PLBD1: variants seen among roughly 807,000 people sequenced by gnomAD.
PLBD1 encodes the protein lysosomal leucine aminopeptidase.
A neutral mutation model predicts 63.0 loss-of-function variants in PLBD1; 60 were observed. The observed-to-expected ratio is 0.95, with a 90% CI of 0.77 to 1.18. The LOEUF (loss-of-function observed/expected upper bound fraction) is 1.18. Ranked by LOEUF, PLBD1 falls within the 50% of genes most tolerant of loss-of-function variation. The pLI is 0.00. For missense variants in PLBD1, 598 were observed against 677.9 expected (o/e 0.88, Z 1.31); for synonymous variants, 262 against 248.0 (o/e 1.06, Z -0.53).
At chr12:14,556,951 C>G (rs1045205901) in intron 1 of PLBD1, among the ~76,000 whole-genome samples, 2 of 130,658 alleles carry the variant, frequency 1.5e-5, no homozygotes, top group African/African-American at 5.8e-5. Context: ...GCTATTTGCA[C>G]TTCAGCCTGG....
At chr12:14,507,182 G>A (rs931929052) in intron 8 of PLBD1, 64 bp from the exon 9 acceptor site, 1 of 1,239,306 alleles carries the variant, frequency 8.1e-7, no homozygotes, top group Non-Finnish European at 1.1e-6. Context: ...AAAGGAGAGA[G>A]AGCAAAAGAA....
At chr12:14,547,901 T>C (rs1158107377) in intron 2 of PLBD1, among the ~76,000 whole-genome samples, 10 of 152,140 alleles carry the variant, frequency 6.6e-5, no homozygotes. Context: ...CTAGATAGCC[T>C]CCTTTCCAAT....
chr12:14,554,988 G>A (rs962776291), intron 1 of PLBD1, among the ~76,000 whole-genome samples: 9 of 151,912 alleles, frequency 5.9e-5, no homozygotes, highest in Non-Finnish European at 1.3e-4. Context: ...ATCCATCCTG[G>A]CTTCCTTTCT....
chr12:14,525,374 T>C (rs1406554600), intron 6 of PLBD1, among the ~76,000 whole-genome samples: 3 of 151,908 alleles, frequency 2.0e-5, no homozygotes, highest in Non-Finnish European at 4.4e-5. Context: ...AAAAGAAAAC[T>C]AAATAAAATT....
At chr12:14,506,104 C>T (rs549488937) in intron 10 of PLBD1, 58 bp downstream of exon 10, 1 of 1,226,492 alleles carries the variant, frequency 8.2e-7, no homozygotes, top group Non-Finnish European at 1.2e-6. Flanking sequence ...TGCAACTTTG[C>T]CTTTGGAGAG....
At chr12:14,551,141 G>A (rs1945655974) in intron 2 of PLBD1, among the ~76,000 whole-genome samples, 1 of 151,956 alleles carries the variant, frequency 6.6e-6, no homozygotes, top group Non-Finnish European at 1.5e-5. Flanking sequence ...AAGGTGGGAG[G>A]ATCACGAGGT....
intron 2 of PLBD1, among the ~76,000 whole-genome samples, chr12:14,551,560 C>T (rs905522132): frequency 2.0e-5 from 3 of 152,070 alleles, no homozygotes; most frequent in African/African-American, 7.2e-5. Context: ...TTATTTTTTT[C>T]TGAGACATAA....
intron 6 of PLBD1, among the ~76,000 whole-genome samples, chr12:14,513,755 G>A (rs184380850): frequency 6.6e-6 from 1 of 151,920 alleles, no homozygotes; most frequent in Admixed American, 6.6e-5. Flanking sequence ...GTTACACGAT[G>A]AGAGGACTGT....
At chr12:14,534,999 A>G (rs528719278) in intron 6 of PLBD1, among the ~76,000 whole-genome samples, 1 of 152,322 alleles carries the variant, frequency 6.6e-6, no homozygotes, top group African/African-American at 2.4e-5. Context: ...ACTTTGAGAT[A>G]GCCATGTTCA....
At chr12:14,550,707 C>T (rs577508176) in intron 2 of PLBD1, among the ~76,000 whole-genome samples, 30 of 152,050 alleles carry the variant, frequency 2.0e-4, no homozygotes, top group South Asian at 4.2e-4. Context: ...GGGGAAACCC[C>T]GTCTCTACTA....
At chr12:14,553,132 G>T in intron 2 of PLBD1, 61 bp downstream of exon 2, 2 of 1,402,450 alleles carry the variant, frequency 1.4e-6, no homozygotes, top group Non-Finnish European at 2.0e-6. Context: ...GAGAGTCACT[G>T]TGGAACATGG....
intron 2 of PLBD1, among the ~76,000 whole-genome samples, chr12:14,544,999 T>TC (rs1476857761): frequency 6.6e-6 from 1 of 152,012 alleles, no homozygotes; most frequent in African/African-American, 2.4e-5. Flanking sequence ...CATTTTTCTT[T>TC]CCCCCCTCTC....
intron 1 of PLBD1, chr12:14,554,299 C>T (rs949800751): frequency 6.6e-6 from 1 of 152,246 alleles, no homozygotes; most frequent in Non-Finnish European, 1.5e-5. Flanking sequence ...GAACTCTGTT[C>T]TATCTTGTAT....
At chr12:14,559,740 T>C (rs1014586289) in intron 1 of PLBD1, among the ~76,000 whole-genome samples, 5 of 152,138 alleles carry the variant, frequency 3.3e-5, no homozygotes, top group African/African-American at 9.7e-5. Flanking sequence ...TTTTTTTCTA[T>C]AAATAAAGAT....
intron 6 of PLBD1, among the ~76,000 whole-genome samples, chr12:14,529,526 A>G (rs1474923819): frequency 6.6e-6 from 1 of 152,242 alleles, no homozygotes; most frequent in African/African-American, 2.4e-5. Context: ...AAAAATTCAT[A>G]TGATCTTTTC....
intron 4 of PLBD1, among the ~76,000 whole-genome samples, chr12:14,539,389 CCT>C (rs1448119424): frequency 3.3e-5 from 5 of 151,628 alleles, no homozygotes; most frequent in Admixed American, 3.3e-4. Context: ...TCATTACCTG[CCT>C]CTCTATTATT....
intron 4 of PLBD1, among the ~76,000 whole-genome samples, chr12:14,539,783 C>CT (rs1292994159): frequency 6.9e-6 from 1 of 145,258 alleles, no homozygotes; most frequent in African/African-American, 2.6e-5. Context: ...AAGACTCTGA[C>CT]TAAAAAAAAA....
chr12:14,556,899 G>A (rs1222212235), intron 1 of PLBD1, among the ~76,000 whole-genome samples: 2 of 146,012 alleles, frequency 1.4e-5, no homozygotes, highest in African/African-American at 2.5e-5. Flanking sequence ...CAGGAGAATC[G>A]CTTGAACCTG....
Position 14,562,969 on chromosome 12 carries a change from A to C in PLBD1, c.115+4613T>G, listed in dbSNP as rs183707479. 2.0e-3 allele frequency among the ~76,000 whole-genome samples: 309 copies of C among 152,316 alleles called. 1 individual carries two copies. Among genetic ancestry groups the C allele is most frequent in the South Asian group, 0.01 (49 of 4,828 alleles). The stretch of plus-strand genomic sequence containing the variant: ...TCAAGACAAAGTTCATATGTTTCTT[A>C]GCATATATATTATAAAAATAAGCCA... On this transcript the variant is annotated intron_variant, in intron 1 of 10. Transcript: ENST00000240617.
Sources: allele counts gnomAD v4.1 joint callset (sites outside exome capture counted in the v4.1 genomes callset), GRCh38; gene constraint gnomAD v4.1.1; transcripts MANE v1.5; gene names NCBI Gene and HGNC (gene_info 2026-07-23, HGNC 2026-07-21).